Variants in RBM20 observed in about 807,000 individuals in gnomAD.
RBM20 encodes the protein RNA binding motif protein 20, also known as RNA-binding protein 20.
In RBM20, 51 loss-of-function variants were observed where a neutral mutation model predicts 110.1. That is an observed-to-expected ratio of 0.46 (90% CI 0.37 to 0.59). The LOEUF (loss-of-function observed/expected upper bound fraction) is 0.59, where lower values mean the gene tolerates loss of function less well. RBM20 is among the 20% of genes least tolerant of loss of function. RBM20 has a pLI of 0.00. For missense variants in RBM20, 1,512 were observed against 1,574.9 expected, an observed-to-expected ratio of 0.96 and a Z score of 0.68; for synonymous variants, 589 against 618.2, an observed-to-expected ratio of 0.95 and a Z score of 0.70.
intron 6 of RBM20, among the ~76,000 whole-genome samples, chr10:110,798,639 A>G (rs889883930): frequency 1.3e-5 from 2 of 152,218 alleles, no homozygotes; most frequent in African/African-American, 4.8e-5. Flanking sequence ...TTGACTTCTT[A>G]GTCGCCCACG....
At chr10:110,818,256 A>G (rs970274199) in intron 9 of RBM20, among the ~76,000 whole-genome samples, 6 of 136,738 alleles carry the variant, frequency 4.4e-5, no homozygotes, top group South Asian at 2.5e-4. Flanking sequence ...ATGCCATTGC[A>G]CTCCAGCCTG....
intron 1 of RBM20, among the ~76,000 whole-genome samples, chr10:110,684,375 CAGAGTGAG>C (rs1300052820): frequency 1.3e-5 from 2 of 151,456 alleles, no homozygotes; most frequent in Non-Finnish European, 2.9e-5. Context: ...GCCTGGGTGA[CAGAGTGAG>C]ACTCCATCTT....
intron 1 of RBM20, among the ~76,000 whole-genome samples, chr10:110,767,371 C>T (rs572276743): frequency 6.9e-6 from 1 of 144,026 alleles, no homozygotes. Context: ...CCGGACAGGG[C>T]GGCTGGCCTG....
Position 110,752,920 on chromosome 10 carries a change from CATATATAT to C in RBM20, c.192-27862_192-27855del, listed in dbSNP as rs760317651. 3.8e-3 allele frequency among the ~76,000 whole-genome samples: 479 copies of C among 125,184 alleles called. 9 individuals are homozygous for C. The highest frequency in any genetic ancestry group is 0.02 in the East Asian group (94 of 4,596). 82.1% of individuals were successfully genotyped at this position (125,184 alleles called of 152,430 possible). A position where few individuals can be genotyped will look rare whatever the true frequency, so the allele number is the denominator to read the frequency against. On this transcript the variant is annotated intron_variant, in intron 1 of 13. Coordinates refer to ENST00000369519, the MANE Select transcript of RBM20 (RefSeq NM_001134363.3). ...AATACATATATATTATATATTTATACATATATATATATATATATATATATATTTTTTTT... is the reference window on the plus strand; with the variant it reads ...AATACATATATATTATATATTTATACATATATATATATATATATTTTTTTT...
chr10:110,725,929 C>G lies in RBM20; in HGVS notation c.192-54872C>G, dbSNP rs1014873344. Among the ~76,000 whole-genome samples, 5 of 152,290 alleles carry G rather than the reference C, an allele frequency of 3.3e-5. No homozygotes were observed. In the East Asian group the frequency reaches 9.7e-4, roughly 29 times the overall value. ...TGGAATCTGCTGCGTGTGCAGCCTCCTTCCTGCCCCCCTCCCCCGACCCCA... is the reference window on the plus strand; with the variant it reads ...TGGAATCTGCTGCGTGTGCAGCCTCGTTCCTGCCCCCCTCCCCCGACCCCA... On this transcript the variant is annotated intron_variant, in intron 1 of 13. Transcript: ENST00000369519.
intron 1 of RBM20, among the ~76,000 whole-genome samples, chr10:110,711,048 C>T (rs1394373787): frequency 6.6e-6 from 1 of 151,914 alleles, no homozygotes; most frequent in Non-Finnish European, 1.5e-5. Context: ...CCATGGAGGA[C>T]TTGTGGGGTG....
chr10:110,795,104 TAA>T, intron 5 of RBM20, among the ~76,000 whole-genome samples: 1 of 152,216 alleles, frequency 6.6e-6, no homozygotes, highest in Non-Finnish European at 1.5e-5. Flanking sequence ...CGTGCCTCGC[TAA>T]GAGACCAGGC....
At chr10:110,702,580 T>C (rs1306677639) in intron 1 of RBM20, among the ~76,000 whole-genome samples, 1 of 152,228 alleles carries the variant, frequency 6.6e-6, no homozygotes, top group African/African-American at 2.4e-5. Flanking sequence ...AAGTTTATGA[T>C]TGGCTTTGTG....
At chr10:110,768,793 G>A (rs929417462) in intron 1 of RBM20, among the ~76,000 whole-genome samples, 2 of 152,240 alleles carry the variant, frequency 1.3e-5, no homozygotes, top group African/African-American at 4.8e-5. Context: ...CTGGCATTCT[G>A]CAGCAGAAAC....
Position 110,678,578 on chromosome 10 carries a change from G to A in RBM20, c.191+33933G>A, listed in dbSNP as rs117343357. Among the ~76,000 whole-genome samples, 1,352 of 152,238 alleles carry A rather than the reference G, an allele frequency of 8.9e-3. 56 individuals are homozygous for A. Among genetic ancestry groups the A allele is most frequent in the Admixed American group, 0.072 (1,098 of 15,288 alleles). On this transcript the variant is annotated intron_variant, in intron 1 of 13. Coordinates refer to ENST00000369519, the MANE Select transcript of RBM20 (RefSeq NM_001134363.3). ...AAAGCACTCTTGAGTGTGCAAGGCC[G>A]GGGGAGTCTGGGGTCTACTCTTCAT...
In RBM20 at chr10:110,689,816, A is replaced by G. The variant is rs1168833554; in HGVS notation, c.191+45171A>G. On this transcript the variant is annotated intron_variant, in intron 1 of 13. Transcript: ENST00000369519. ...GTGTTTCTATTTCTTGGTATTCTTCATATCATCAAGAAGCTGTGACAAAAT... is the reference window on the plus strand; with the variant it reads ...GTGTTTCTATTTCTTGGTATTCTTCGTATCATCAAGAAGCTGTGACAAAAT... Among the ~76,000 whole-genome samples, 4 of 152,190 alleles carry G rather than the reference A, an allele frequency of 2.6e-5. No homozygotes were observed. In the South Asian group the frequency reaches 6.2e-4, roughly 24 times the overall value.
chr10:110,785,886 G>A (rs1294154544), intron 5 of RBM20, among the ~76,000 whole-genome samples: 1 of 152,158 alleles, frequency 6.6e-6, no homozygotes, highest in Non-Finnish European at 1.5e-5. Flanking sequence ...CTATGAGAGG[G>A]TAATTTTGAA....
intron 1 of RBM20, among the ~76,000 whole-genome samples, chr10:110,754,922 C>T (rs116342601): frequency 2.0e-5 from 3 of 152,074 alleles, no homozygotes; most frequent in Admixed American, 1.3e-4. Flanking sequence ...AGTTATTGCC[C>T]GTAAAGAAAT....
At position 110,687,682 on chromosome 10, in the gene RBM20, G is replaced by C. The variant is rs556393904; in HGVS notation, c.191+43037G>C. On this transcript the variant is annotated intron_variant, in intron 1 of 13. Transcript: ENST00000369519. Reference sequence around the variant, plus strand: ...GTCTCTGTTCTCCCACTGCGTTGCTGTGTGACCTTGGGCAAGTCACTTGAC... The same window carrying C: ...GTCTCTGTTCTCCCACTGCGTTGCTCTGTGACCTTGGGCAAGTCACTTGAC... Among the ~76,000 whole-genome samples, 18 of 152,338 alleles carry C rather than the reference G, an allele frequency of 1.2e-4. No individual in the cohort carries two copies. In the East Asian group the frequency reaches 1.3e-3, roughly 11 times the overall value.
chr10:110,683,138 A>G (rs993347812), intron 1 of RBM20, among the ~76,000 whole-genome samples: 1 of 152,180 alleles, frequency 6.6e-6, no homozygotes, highest in African/African-American at 2.4e-5. Context: ...GTGGTTGCTA[A>G]GTGTTGGGCT....
chr10:110,720,572 C>T (rs1159906453), intron 1 of RBM20, among the ~76,000 whole-genome samples: 1 of 152,158 alleles, frequency 6.6e-6, no homozygotes, highest in African/African-American at 2.4e-5. Context: ...ATCACTTCTC[C>T]ACCCCTCCTC....
intron 1 of RBM20, among the ~76,000 whole-genome samples, chr10:110,672,665 C>G (rs762450764): frequency 6.6e-5 from 10 of 152,212 alleles, no homozygotes; most frequent in African/African-American, 9.6e-5. Flanking sequence ...CACAGCGGTC[C>G]CCGGTGAGAT....
At position 110,664,575 on chromosome 10, in the gene RBM20, C is replaced by T. The variant is rs534690605; in HGVS notation, c.191+19930C>T. ...CAGCCTGACCAACGTGGTGAAAACC[C>T]GTCTCTACTAAAAATACAAAAATTA... On this transcript the variant is annotated intron_variant, in intron 1 of 13. Transcript: ENST00000369519. Among the ~76,000 whole-genome samples the T allele has an allele frequency of 7.3e-3, 1,105 of 151,960 alleles. 12 individuals carry two copies. The highest frequency in any genetic ancestry group is 0.024 in the African/African-American group (1,009 of 41,482).
At chr10:110,687,885 A>G (rs1320370390) in intron 1 of RBM20, among the ~76,000 whole-genome samples, 2 of 152,174 alleles carry the variant, frequency 1.3e-5, no homozygotes, top group Non-Finnish European at 1.5e-5. Context: ...TGCATAGCTC[A>G]TTGAATGTTT....
Sources: gnomAD v4.1 joint callset for allele counts (sites outside exome capture counted in the v4.1 genomes callset) on GRCh38, gnomAD v4.1.1 for gene constraint, MANE v1.5 for transcripts, NCBI Gene and HGNC (gene_info 2026-07-23, HGNC 2026-07-21) for gene names.